The following FANCC variants were observed in gnomAD, a reference collection of about 807,000 sequenced individuals.
FANCC encodes the protein Fanconi anemia group C protein.
In FANCC, 55 loss-of-function variants were observed where a neutral mutation model predicts 71.3. The observed-to-expected ratio is 0.77, with a 90% CI of 0.62 to 0.97. FANCC has a LOEUF of 0.97. FANCC is among the 50% of genes least tolerant of loss of function. FANCC has a pLI of 0.00. For synonymous variants in FANCC, 275 were observed against 244.9 expected (o/e 1.12, Z -1.15); for missense variants, 678 against 670.9 (o/e 1.01, Z -0.12).
intron 4 of FANCC, among the ~76,000 whole-genome samples, chr9:95,229,441 C>T (rs1368295930): frequency 6.6e-6 from 1 of 151,936 alleles, no homozygotes; most frequent in Non-Finnish European, 1.5e-5. Context: ...AGATTCTGGA[C>T]ACGTGTCACA....
At chr9:95,280,313 T>C (rs367746415) in intron 1 of FANCC, among the ~76,000 whole-genome samples, 1 of 151,962 alleles carries the variant, frequency 6.6e-6, no homozygotes, top group Non-Finnish European at 1.5e-5. Flanking sequence ...AAACAGACAA[T>C]TGAATATTAA....
intron 1 of FANCC, among the ~76,000 whole-genome samples, chr9:95,250,808 G>C (rs1351180607): frequency 1.3e-5 from 2 of 152,188 alleles, no homozygotes; most frequent in African/African-American, 4.8e-5. Context: ...TGCCAGGCTG[G>C]GCCTGCCCGT....
At chr9:95,267,557 C>T (rs1251225529) in intron 1 of FANCC, among the ~76,000 whole-genome samples, 1 of 152,088 alleles carries the variant, frequency 6.6e-6, no homozygotes. Flanking sequence ...TTCTAAAGTA[C>T]ATGAAGAAAT....
At chr9:95,313,758 T>C (rs1394452367) in intron 1 of FANCC, among the ~76,000 whole-genome samples, 1 of 152,198 alleles carries the variant, frequency 6.6e-6, no homozygotes, top group Non-Finnish European at 1.5e-5. Flanking sequence ...AAGGATTATA[T>C]AACATGACTA....
At chr9:95,290,110 T>A (rs185921216) in intron 1 of FANCC, among the ~76,000 whole-genome samples, 1 of 152,122 alleles carries the variant, frequency 6.6e-6, no homozygotes, top group African/African-American at 2.4e-5. Context: ...ACCTCCTGAG[T>A]AGGCACACAT....
chr9:95,179,357 G>A (rs1300298474), intron 4 of FANCC, among the ~76,000 whole-genome samples: 2 of 152,134 alleles, frequency 1.3e-5, no homozygotes, highest in Non-Finnish European at 2.9e-5. Flanking sequence ...TGATTCATAT[G>A]CACATTAATG....
chr9:95,267,970 G>C (rs1832486550), intron 1 of FANCC, among the ~76,000 whole-genome samples: 1 of 152,188 alleles, frequency 6.6e-6, no homozygotes, highest in East Asian at 1.9e-4. Context: ...CAGCAGCACA[G>C]CTCAGGAGCC....
At chr9:95,240,160 G>A (rs895992886) in intron 4 of FANCC, among the ~76,000 whole-genome samples, 4 of 152,190 alleles carry the variant, frequency 2.6e-5, no homozygotes, top group African/African-American at 9.7e-5. Flanking sequence ...AGGCTGCGCA[G>A]CACCAAGATC....
intron 12 of FANCC, 151 bp downstream of exon 12, chr9:95,114,478 C>T: frequency 1.3e-6 from 1 of 774,100 alleles, no homozygotes; most frequent in African/African-American, 1.7e-5. Flanking sequence ...CCATGCGCTT[C>T]CTCCACTTCT....
intron 7 of FANCC, among the ~76,000 whole-genome samples, chr9:95,148,190 C>T (rs185802446): frequency 6.6e-6 from 1 of 152,200 alleles, no homozygotes; most frequent in East Asian, 1.9e-4. Context: ...TAAACTGTTG[C>T]CCTCAAGGAT....
At chr9:95,119,435 G>C (rs1439204478) in intron 10 of FANCC, among the ~76,000 whole-genome samples, 1 of 148,406 alleles carries the variant, frequency 6.7e-6, no homozygotes, top group Non-Finnish European at 1.5e-5. Context: ...GTGTGATCTT[G>C]GCTCCCTGCA....
intron 1 of FANCC, among the ~76,000 whole-genome samples, chr9:95,303,524 C>T (rs1234938788): frequency 6.6e-6 from 1 of 152,198 alleles, no homozygotes; most frequent in Non-Finnish European, 1.5e-5. Context: ...GCTTAAATAA[C>T]AGAAATGTAT....
At chr9:95,316,029 T>C (rs888382007) in intron 1 of FANCC, among the ~76,000 whole-genome samples, 1 of 152,238 alleles carries the variant, frequency 6.6e-6, no homozygotes. Flanking sequence ...AATACCAATA[T>C]AGAGCCTGCT....
At chr9:95,242,151 G>C (rs569573694) in intron 3 of FANCC, among the ~76,000 whole-genome samples, 3 of 152,122 alleles carry the variant, frequency 2.0e-5, no homozygotes, top group African/African-American at 7.2e-5. Flanking sequence ...CTTTATCAGG[G>C]GTTATTCTGA....
At position 95,291,358 on chromosome 9, in the gene FANCC, A is replaced by C. The variant is rs187696089; in HGVS notation, c.-79+26168T>G. 1.1e-3 allele frequency among the ~76,000 whole-genome samples: 166 copies of C among 152,360 alleles called. 2 individuals are homozygous for C. The highest frequency in any genetic ancestry group is 3.8e-3 in the African/African-American group (157 of 41,570). ...CTAAAAAAAAACTATTAGAACTAAT[A>C]AATGAATTCAGTCAAGTTGCAGGAT... On this transcript the variant is annotated intron_variant, in intron 1 of 14. Transcript: ENST00000289081.
intron 6 of FANCC, among the ~76,000 whole-genome samples, chr9:95,156,417 T>G (rs1357097824): frequency 2.0e-5 from 3 of 152,206 alleles, no homozygotes; most frequent in Non-Finnish European, 2.9e-5. Context: ...CTGAATGATG[T>G]TTAGAATCTT....
intron 7 of FANCC, among the ~76,000 whole-genome samples, chr9:95,146,399 G>A (rs980454792): frequency 7.0e-6 from 1 of 142,600 alleles, no homozygotes; most frequent in African/African-American, 2.6e-5. Flanking sequence ...GAGGTGGGAG[G>A]ATCGCCTGAG....
intron 1 of FANCC, among the ~76,000 whole-genome samples, chr9:95,313,791 T>C (rs1476673720): frequency 6.6e-6 from 1 of 152,222 alleles, no homozygotes; most frequent in Non-Finnish European, 1.5e-5. Flanking sequence ...AATGCAAGGT[T>C]AGTATAAATA....
intron 7 of FANCC, among the ~76,000 whole-genome samples, chr9:95,145,774 C>T (rs1327935745): frequency 6.6e-6 from 1 of 152,140 alleles, no homozygotes; most frequent in East Asian, 1.9e-4. Flanking sequence ...CACCTAAGCC[C>T]ACAGGACTGT....
Sources: allele counts gnomAD v4.1 joint callset (sites outside exome capture counted in the v4.1 genomes callset), GRCh38; gene constraint gnomAD v4.1.1; transcripts MANE v1.5; gene names NCBI Gene and HGNC (gene_info 2026-07-23, HGNC 2026-07-21).